Variants in SAMD4A observed in about 807,000 individuals in gnomAD.
SAMD4A encodes the protein sterile alpha motif domain containing 4A, also known as protein Smaug homolog 1.
A neutral mutation model predicts 81.3 loss-of-function variants in SAMD4A; 33 were observed. That is an observed-to-expected ratio of 0.41 (90% CI 0.31 to 0.54). SAMD4A has a LOEUF of 0.54. SAMD4A is among the 20% of genes least tolerant of loss of function. SAMD4A has a pLI of 0.37. For missense variants in SAMD4A, 854 were observed against 951.1 expected (o/e 0.90, Z 1.34); for synonymous variants, 389 against 382.1 (o/e 1.02, Z -0.21).
chr14:54,685,133 A>G (rs1029947491), intron 2 of SAMD4A, among the ~76,000 whole-genome samples: 1 of 152,208 alleles, frequency 6.6e-6, no homozygotes, highest in Non-Finnish European at 1.5e-5. Flanking sequence ...TGCCATTTTA[A>G]TCATTTTTAA....
intron 11 of SAMD4A, 68 bp downstream of exon 11, chr14:54,776,608 A>G: frequency 7.0e-7 from 1 of 1,431,972 alleles, no homozygotes; most frequent in Non-Finnish European, 9.2e-7. Flanking sequence ...TAGCAAACCC[A>G]GCCAGAAAGT....
At chr14:54,618,476 T>A (rs1183610851) in intron 2 of SAMD4A, among the ~76,000 whole-genome samples, 2 of 152,206 alleles carry the variant, frequency 1.3e-5, no homozygotes, top group African/African-American at 4.8e-5. Flanking sequence ...TCAGGTAAGG[T>A]CTTTGACTTT....
intron 9 of SAMD4A, among the ~76,000 whole-genome samples, chr14:54,770,965 T>C (rs569212263): frequency 5.3e-5 from 8 of 152,192 alleles, no homozygotes; most frequent in Non-Finnish European, 8.8e-5. Context: ...TAACATTCTA[T>C]TTTACACTTT....
chr14:54,573,596 T>C (rs1423774156), intron 2 of SAMD4A, among the ~76,000 whole-genome samples: 1 of 152,214 alleles, frequency 6.6e-6, no homozygotes, highest in African/African-American at 2.4e-5. Context: ...CTTTTCCTTT[T>C]TAAAATATAC....
Position 54,700,289 on chromosome 14 carries a change from G to T in SAMD4A, c.197-1773G>T, listed in dbSNP as rs540025659. 8.5e-5 allele frequency among the ~76,000 whole-genome samples: 13 copies of T among 152,300 alleles called. No homozygotes were observed. In the South Asian group the frequency reaches 2.7e-3, roughly 32 times the overall value. On this transcript the variant is annotated intron_variant, in intron 2 of 12. Coordinates refer to ENST00000554335, the MANE Select transcript of SAMD4A (RefSeq NM_015589.6). ...TCAGAGAAGGTATTTGGGGCTCAGA[G>T]AAGTTAAGTAACTTACCAAGGTTCT...
chr14:54,613,989 G>A (rs766322226), intron 2 of SAMD4A, among the ~76,000 whole-genome samples: 31 of 152,178 alleles, frequency 2.0e-4, no homozygotes, highest in Admixed American at 2.0e-4. Context: ...TTTAGTGTCC[G>A]TCAAAGAACA....
chr14:54,603,484 C>T (rs2034115423), intron 2 of SAMD4A, among the ~76,000 whole-genome samples: 1 of 152,224 alleles, frequency 6.6e-6, no homozygotes, highest in Non-Finnish European at 1.5e-5. Context: ...GCTTATAAAG[C>T]TGATGCTGCC....
At chr14:54,722,885 C>G (rs943462701) in intron 3 of SAMD4A, among the ~76,000 whole-genome samples, 1 of 152,158 alleles carries the variant, frequency 6.6e-6, no homozygotes, top group Non-Finnish European at 1.5e-5. Flanking sequence ...TCAGGACGAA[C>G]TCTATTGGAC....
chr14:54,611,436 A>G (rs1450245714), intron 2 of SAMD4A, among the ~76,000 whole-genome samples: 2 of 152,212 alleles, frequency 1.3e-5, no homozygotes, highest in Admixed American at 1.3e-4. Flanking sequence ...GCCTTTACAT[A>G]AAAATCGTAG....
chr14:54,643,787 G>A lies in SAMD4A; in HGVS notation c.197-58275G>A, dbSNP rs537888389. On this transcript the variant is annotated intron_variant, in intron 2 of 12. Coordinates refer to ENST00000554335, the MANE Select transcript of SAMD4A (RefSeq NM_015589.6). ...ACAGGGATTTGACTTACTTCTCCCT[G>A]ACTGAAGAGAATAGTGGAAGACTGC... Among the ~76,000 whole-genome samples, 48 of 152,302 alleles carry A rather than the reference G, an allele frequency of 3.2e-4. 1 individual carries two copies. In the South Asian group the frequency reaches 8.7e-3, roughly 28 times the overall value.
chr14:54,755,533 C>T (rs941797364), intron 6 of SAMD4A, among the ~76,000 whole-genome samples: 5 of 152,060 alleles, frequency 3.3e-5, no homozygotes, highest in Admixed American at 1.3e-4. Context: ...CCCAGAAGGT[C>T]GGGAGGGTTT....
At chr14:54,717,596 C>T (rs1053563699) in intron 3 of SAMD4A, among the ~76,000 whole-genome samples, 18 of 152,126 alleles carry the variant, frequency 1.2e-4, no homozygotes, top group African/African-American at 4.3e-4. Context: ...AAAATGACCA[C>T]ATTTATAGAT....
At chr14:54,589,639 G>A (rs1327458041) in intron 2 of SAMD4A, among the ~76,000 whole-genome samples, 2 of 152,068 alleles carry the variant, frequency 1.3e-5, no homozygotes, top group African/African-American at 2.4e-5. Context: ...GTGCCTATTC[G>A]GAACATGTTT....
At chr14:54,569,046 G>A (rs770376796) in intron 2 of SAMD4A, among the ~76,000 whole-genome samples, 1 of 151,986 alleles carries the variant, frequency 6.6e-6, no homozygotes. Flanking sequence ...AAGTCTGATG[G>A]TTGTGATTTT....
intron 2 of SAMD4A, among the ~76,000 whole-genome samples, chr14:54,616,950 G>T (rs2034505293): frequency 6.6e-6 from 1 of 152,192 alleles, no homozygotes; most frequent in Non-Finnish European, 1.5e-5. Flanking sequence ...AGCTGAAGAA[G>T]CCTGGACCTC....
intron 2 of SAMD4A, among the ~76,000 whole-genome samples, chr14:54,677,100 G>A (rs1409501165): frequency 2.0e-5 from 3 of 152,190 alleles, no homozygotes; most frequent in Non-Finnish European, 4.4e-5. Flanking sequence ...GTCAGGTGGT[G>A]TAAGACACCC....
intron 5 of SAMD4A, 111 bp downstream of exon 5, chr14:54,749,035 C>T (rs2038033786): frequency 4.2e-6 from 3 of 718,948 alleles, no homozygotes; most frequent in African/African-American, 3.5e-5. Flanking sequence ...AGTAGCTTGC[C>T]CTGTGCTGGA....
chr14:54,627,407 C>T (rs1294789607), intron 2 of SAMD4A, among the ~76,000 whole-genome samples: 3 of 152,210 alleles, frequency 2.0e-5, no homozygotes, highest in Non-Finnish European at 4.4e-5. Context: ...CCTACCAGAA[C>T]GTTCTTTAGC....
intron 6 of SAMD4A, 135 bp downstream of exon 6, chr14:54,751,672 G>A (rs1594895917): frequency 4.3e-6 from 3 of 693,024 alleles, no homozygotes; most frequent in South Asian, 1.7e-5. Context: ...CAGAGAAAAC[G>A]GAATGATTTT....
Sources: gnomAD v4.1 joint callset for allele counts (sites outside exome capture counted in the v4.1 genomes callset) on GRCh38, gnomAD v4.1.1 for gene constraint, MANE v1.5 for transcripts, NCBI Gene and HGNC (gene_info 2026-07-23, HGNC 2026-07-21) for gene names.